The following EPS15 variants were observed in gnomAD, a reference collection of about 807,000 sequenced individuals.
EPS15 encodes epidermal growth factor receptor substrate 15.
A neutral mutation model predicts 113.8 loss-of-function variants in EPS15; 72 were observed. The ratio of observed to expected loss-of-function variants is 0.63; its 90% confidence interval spans 0.52 to 0.77. The LOEUF (loss-of-function observed/expected upper bound fraction) is 0.77, where lower values mean the gene tolerates loss of function less well. EPS15 is among the 30% of genes least tolerant of loss of function. The pLI is 0.00. For synonymous variants in EPS15, 344 were observed against 363.4 expected, an observed-to-expected ratio of 0.95 and a Z score of 0.61; for missense variants, 1,048 against 1,045.8, an observed-to-expected ratio of 1.00 and a Z score of -0.03.
intron 19 of EPS15, 59 bp from the exon 20 acceptor site, chr1:51,399,224 A>G (rs959803119): frequency 1.7e-5 from 26 of 1,541,636 alleles, no homozygotes; most frequent in Non-Finnish European, 2.2e-5. Flanking sequence ...TAAATTTCCC[A>G]TCACTTGAAG....
chr1:51,367,530 G>A (rs535364662), intron 21 of EPS15, among the ~76,000 whole-genome samples: 1 of 152,244 alleles, frequency 6.6e-6, no homozygotes, highest in African/African-American at 2.4e-5. Flanking sequence ...TCCAGCCTGG[G>A]CGACAGAGCG....
At chr1:51,362,690 TTCAG>T (rs1251462650) in intron 23 of EPS15, among the ~76,000 whole-genome samples, 2 of 152,304 alleles carry the variant, frequency 1.3e-5, no homozygotes, top group South Asian at 2.1e-4. Context: ...ATGCAATTCT[TTCAG>T]TCAAAGAAAA....
intron 21 of EPS15, among the ~76,000 whole-genome samples, chr1:51,386,499 G>A (rs1647078126): frequency 6.6e-6 from 1 of 152,178 alleles, no homozygotes; most frequent in South Asian, 2.1e-4. Context: ...CACCGCTGCT[G>A]ATACCCAGGC....
chr1:51,385,357 A>G (rs887541859), intron 21 of EPS15, among the ~76,000 whole-genome samples: 1 of 152,216 alleles, frequency 6.6e-6, no homozygotes, highest in African/African-American at 2.4e-5. Flanking sequence ...AAATCAAAGC[A>G]ATAAGATACC....
chr1:51,406,006 A>C lies in EPS15; in HGVS notation c.1576T>G (p.Tyr526Asp). ...HSILVNGATD[Y>D]CSLSTSSSET... is the part of the protein sequence containing the mutation. ...CTGCTGCTGGTGCTGAGGCTGCAATAATCTGTAGCTCCGTTTACAAGAATG... is the reference window on the plus strand; with the variant it reads ...CTGCTGCTGGTGCTGAGGCTGCAATCATCTGTAGCTCCGTTTACAAGAATG... The change falls in exon 16 of 25, where the codon TAT (tyrosine) becomes GAT (aspartate). Residue 526 changes from tyrosine to aspartate, a missense_variant. Physicochemically the swap from Tyr to Asp is radical, Grantham distance 160. Coordinates refer to ENST00000371733, the MANE Select transcript of EPS15 (RefSeq NM_001981.3). 1 of 1,614,162 alleles carries C rather than the reference A, an allele frequency of 6.2e-7. No homozygotes were observed. The highest frequency in any genetic ancestry group is 8.5e-7 in the Non-Finnish European group (1 of 1,180,020).
chr1:51,493,215 G>T (rs1644267684), intron 1 of EPS15, among the ~76,000 whole-genome samples: 1 of 152,170 alleles, frequency 6.6e-6, no homozygotes. Context: ...CAAAAAATTA[G>T]CCAGACGTGG....
intron 1 of EPS15, among the ~76,000 whole-genome samples, chr1:51,493,636 G>A (rs758897107): frequency 1.3e-5 from 2 of 150,836 alleles, no homozygotes; most frequent in Non-Finnish European, 3.0e-5. Context: ...GGGTGGATGG[G>A]AGGACAGAGT....
chr1:51,466,781 G>A (rs1436285329), intron 5 of EPS15, among the ~76,000 whole-genome samples: 1 of 151,896 alleles, frequency 6.6e-6, no homozygotes, highest in Non-Finnish European at 1.5e-5. Flanking sequence ...AATTGTCCCA[G>A]CTATTTGGGA....
Position 51,403,474 on chromosome 1 carries a change from G to A in EPS15, c.1736C>T (p.Thr579Ile), listed in dbSNP as rs751765084. 3.7e-6 allele frequency: 6 copies of A among 1,610,792 alleles called. No homozygotes were observed. Among genetic ancestry groups the A allele is most frequent in the Middle Eastern group, 3.3e-4 (2 of 6,074 alleles). ...SGVTDENEVTTAVTEKVCSEL... is the reference protein window; with the variant it reads ...SGVTDENEVTIAVTEKVCSEL... The stretch of plus-strand genomic sequence containing the variant: ...AGAACAAACTTTTTCAGTAACAGCT[G>A]TAGTCACCTCATTTTCATCAGTCAC... Residue 579 changes from threonine to isoleucine, a missense_variant, in exon 17 of 25, where the codon ACA becomes ATA. Coordinates refer to ENST00000371733, the MANE Select transcript of EPS15 (RefSeq NM_001981.3).
intron 20 of EPS15, 145 bp downstream of exon 20, chr1:51,398,887 A>T: frequency 2.9e-6 from 2 of 699,758 alleles, no homozygotes; most frequent in Admixed American, 3.1e-5. Flanking sequence ...CCAAAAACTA[A>T]ATGAATTGGG....
At chr1:51,440,280 TG>T in intron 12 of EPS15, 66 bp downstream of exon 12, 1 of 267,920 alleles carries the variant, frequency 3.7e-6, no homozygotes, top group Admixed American at 4.6e-5. Flanking sequence ...ACATGTACTG[TG>T]TGTGTGTGTG....
intron 7 of EPS15, among the ~76,000 whole-genome samples, chr1:51,462,399 T>C (rs1234050349): frequency 6.9e-6 from 1 of 143,986 alleles, no homozygotes; most frequent in African/African-American, 2.6e-5. Context: ...GGGCAAGAGG[T>C]TTAAAGAGAG....
At position 51,402,433 on chromosome 1, in the gene EPS15, A is replaced by T; in HGVS notation, c.1882+2T>A. 1 of 1,510,920 alleles carries T rather than the reference A, an allele frequency of 6.6e-7. No individual in the cohort carries two copies. The highest frequency in any genetic ancestry group is 9.0e-7 in the Non-Finnish European group (1 of 1,105,206). 93.6% of individuals were successfully genotyped at this position (1,510,920 alleles called of 1,614,324 possible). A position where few individuals can be genotyped will look rare whatever the true frequency, so the allele number is the denominator to read the frequency against. ...CTATAATATAAAAAAAAGAGTACTT[A>T]CTGCCAACAAAAGGATCAGACTGGA... On this transcript the variant is annotated splice_donor_variant, in intron 18 of 24. Coordinates refer to ENST00000371733, the MANE Select transcript of EPS15 (RefSeq NM_001981.3). LOFTEE classifies it high-confidence loss of function.
intron 5 of EPS15, among the ~76,000 whole-genome samples, chr1:51,467,351 C>T (rs1301190594): frequency 6.6e-6 from 1 of 152,202 alleles, no homozygotes; most frequent in African/African-American, 2.4e-5. Context: ...CATTCCTGCA[C>T]ATGCAAAATA....
At chr1:51,501,757 G>A (rs1483167544) in intron 1 of EPS15, among the ~76,000 whole-genome samples, 1 of 152,058 alleles carries the variant, frequency 6.6e-6, no homozygotes, top group East Asian at 1.9e-4. Context: ...GGGATTACAG[G>A]TGAGAGCGGC....
chr1:51,512,740 T>G (rs1644646371), intron 1 of EPS15, among the ~76,000 whole-genome samples: 1 of 152,112 alleles, frequency 6.6e-6, no homozygotes, highest in Non-Finnish European at 1.5e-5. Flanking sequence ...ATCTTTCTGA[T>G]TACTGGACTG....
chr1:51,504,370 A>G (rs1461426184), intron 1 of EPS15, among the ~76,000 whole-genome samples: 1 of 152,182 alleles, frequency 6.6e-6, no homozygotes, highest in Non-Finnish European at 1.5e-5. Flanking sequence ...TGATTGTACC[A>G]CTGCACTCCA....
chr1:51,422,053 A>C, intron 12 of EPS15, 195 bp from the exon 13 acceptor site: 1 of 1,245,668 alleles, frequency 8.0e-7, no homozygotes, highest in African/African-American at 1.5e-5. Flanking sequence ...TTGTAAAAAA[A>C]AAATTGCTTT....
Position 51,445,005 on chromosome 1 carries a change from C to A in EPS15, c.838G>T (p.Asp280Tyr). The A allele has an allele frequency of 6.2e-7, 1 of 1,613,918 alleles. No individual in the cohort carries two copies. Among genetic ancestry groups the A allele is most frequent in the Non-Finnish European group, 8.5e-7 (1 of 1,179,892 alleles). Reference protein sequence around the residue: ...DTKDCGKLSKDQFALAFHLIS... With the variant: ...DTKDCGKLSKYQFALAFHLIS... Reference sequence around the variant, plus strand: ...AAGTGAAAAGCCAAGGCAAACTGATCCTTTGAAAGCTTCCCACAGTCCTTT... The same window carrying A: ...AAGTGAAAAGCCAAGGCAAACTGATACTTTGAAAGCTTCCCACAGTCCTTT... Residue 280 changes from aspartate (D) to tyrosine (Y), a missense_variant, in exon 11 of 25, where the codon GAT becomes TAT. Transcript: ENST00000371733.
Sources: allele counts gnomAD v4.1 joint callset (sites outside exome capture counted in the v4.1 genomes callset), GRCh38; gene constraint gnomAD v4.1.1; transcripts MANE v1.5; gene names NCBI Gene and HGNC (gene_info 2026-07-23, HGNC 2026-07-21).